CSMD1: variants seen among roughly 807,000 people sequenced by gnomAD.
CSMD1 encodes CUB and sushi domain-containing protein 1.
A neutral mutation model predicts 417.5 loss-of-function variants in CSMD1; 213 were observed. That is an observed-to-expected ratio of 0.51 (90% confidence interval 0.46 to 0.57). The LOEUF (loss-of-function observed/expected upper bound fraction) is 0.57, where lower values mean the gene tolerates loss of function less well. Ranked by LOEUF, CSMD1 falls within the 20% of genes least tolerant of loss-of-function variation. The pLI is 0.00. For missense variants in CSMD1, 6,923 were observed against 4,529.7 expected (o/e 1.53, Z -15.17); for synonymous variants, 2,862 against 1,736.8 (o/e 1.65, Z -16.11).
At chr8:4,690,415 T>C (rs577457976) in intron 1 of CSMD1, among the ~76,000 whole-genome samples, 1 of 152,220 alleles carries the variant, frequency 6.6e-6, no homozygotes, top group Non-Finnish European at 1.5e-5. Context: ...TTCAGAATAT[T>C]CAACAGCCAA....
At position 3,497,904 on chromosome 8, in the gene CSMD1, T is replaced by C. The variant is rs1379534204; in HGVS notation, c.1345-4178A>G. Among the ~76,000 whole-genome samples the C allele has an allele frequency of 4.6e-5, 7 of 152,248 alleles. No homozygotes were observed. In the East Asian group the frequency reaches 1.3e-3, roughly 29 times the overall value. On this transcript the variant is annotated intron_variant, in intron 10 of 69. Coordinates refer to ENST00000635120, the MANE Select transcript of CSMD1 (RefSeq NM_033225.6). Reference sequence around the variant, plus strand: ...GCTCTACCAGTGAATATTACTCTTTTGTGTGTCTTCACAATGGTGGTTATC... The same window carrying C: ...GCTCTACCAGTGAATATTACTCTTTCGTGTGTCTTCACAATGGTGGTTATC...
chr8:3,821,810 A>G (rs1182581837), intron 5 of CSMD1, among the ~76,000 whole-genome samples: 1 of 152,086 alleles, frequency 6.6e-6, no homozygotes, highest in African/African-American at 2.4e-5. Context: ...ACAAACAAAC[A>G]AACAAAAAGT....
chr8:4,075,797 A>G lies in CSMD1; in HGVS notation c.416-43698T>C, dbSNP rs1214498696. On this transcript the variant is annotated intron_variant, in intron 3 of 69. Transcript: ENST00000635120. ...CCAGGTTTCTCAAGAGGTTGTGATG[A>G]CAGAGCAGTCCTTCATGGTTGTCAG... Among the ~76,000 whole-genome samples the G allele has an allele frequency of 2.0e-5, 3 of 152,164 alleles. No homozygotes were observed. The East Asian group carries it at 5.8e-4, about 29-fold the overall frequency.
chr8:4,285,900 G>C (rs934400606), intron 3 of CSMD1, among the ~76,000 whole-genome samples: 2 of 152,128 alleles, frequency 1.3e-5, no homozygotes, highest in African/African-American at 4.8e-5. Context: ...TCCAACTGAA[G>C]TATTTTAAAT....
chr8:4,757,393 T>A (rs1006393688), intron 1 of CSMD1, among the ~76,000 whole-genome samples: 1 of 152,172 alleles, frequency 6.6e-6, no homozygotes, highest in African/African-American at 2.4e-5. Context: ...ACACAAAAAC[T>A]CGTTCATCTA....
At chr8:4,301,772 T>C (rs1052301938) in intron 3 of CSMD1, among the ~76,000 whole-genome samples, 1 of 152,202 alleles carries the variant, frequency 6.6e-6, no homozygotes, top group Non-Finnish European at 1.5e-5. Flanking sequence ...TAAACCTAGT[T>C]ATCTAATTGT....
intron 2 of CSMD1, among the ~76,000 whole-genome samples, chr8:4,472,560 G>A (rs1415808820): frequency 2.6e-5 from 4 of 152,002 alleles, no homozygotes; most frequent in Non-Finnish European, 5.9e-5. Flanking sequence ...CCAAAGAATA[G>A]CTATTAGAAA....
intron 49 of CSMD1, among the ~76,000 whole-genome samples, chr8:3,068,182 T>C (rs1321456240): frequency 2.0e-5 from 3 of 152,204 alleles, no homozygotes; most frequent in Non-Finnish European, 4.4e-5. Flanking sequence ...TTTCTCTCTG[T>C]GGTAATTTTC....
intron 7 of CSMD1, among the ~76,000 whole-genome samples, chr8:3,660,812 C>T (rs545861703): frequency 2.0e-5 from 3 of 152,228 alleles, no homozygotes; most frequent in South Asian, 4.2e-4. Flanking sequence ...TGAGCCACCC[C>T]GCCCGACTGA....
At chr8:3,021,518 C>T (rs1188837256) in intron 51 of CSMD1, among the ~76,000 whole-genome samples, 1 of 152,170 alleles carries the variant, frequency 6.6e-6, no homozygotes, top group Non-Finnish European at 1.5e-5. Flanking sequence ...TTACGTTTGC[C>T]TTTTTTTCAT....
At chr8:4,531,936 CACTCACTCCAGAAAAGAAATCCTGCACCT>C in intron 2 of CSMD1, among the ~76,000 whole-genome samples, 1 of 149,032 alleles carries the variant, frequency 6.7e-6, no homozygotes, top group Non-Finnish European at 1.5e-5. Flanking sequence ...AGCCCATTCA[CACTCACTCCAGAAAAGAAATCCTGCACCT>C]CCATTCAGTC....
At chr8:3,712,406 CAG>C (rs1801574200) in intron 6 of CSMD1, among the ~76,000 whole-genome samples, 1 of 113,512 alleles carries the variant, frequency 8.8e-6, no homozygotes, top group Non-Finnish European at 1.9e-5. Flanking sequence ...GAGAGACAGA[CAG>C]ACAGACAGAC....
chr8:4,173,793 G>A (rs1263951476), intron 3 of CSMD1, among the ~76,000 whole-genome samples: 2 of 152,062 alleles, frequency 1.3e-5, no homozygotes, highest in African/African-American at 2.4e-5. Context: ...TCAAAAGTTA[G>A]TGGTGAGGTG....
chr8:3,490,130 C>T (rs1399149612), intron 11 of CSMD1, among the ~76,000 whole-genome samples: 1 of 152,144 alleles, frequency 6.6e-6, no homozygotes, highest in African/African-American at 2.4e-5. Flanking sequence ...GGTTATTTTT[C>T]TGTGATCTGG....
chr8:4,193,334 A>AT (rs1372407324), intron 3 of CSMD1, among the ~76,000 whole-genome samples: 49 of 151,680 alleles, frequency 3.2e-4, no homozygotes, highest in African/African-American at 1.2e-3. Flanking sequence ...ACGTCCTCCA[A>AT]TAAAAAAAAT....
At chr8:3,763,250 G>A (rs935519475) in intron 5 of CSMD1, among the ~76,000 whole-genome samples, 1 of 152,148 alleles carries the variant, frequency 6.6e-6, no homozygotes, top group African/African-American at 2.4e-5. Flanking sequence ...CAGCTAGGGT[G>A]CTTATACTTC....
At chr8:3,155,385 T>TTTTTTTTTTTTTTTTTTTTTTTTTTA (rs1491170504) in intron 39 of CSMD1, among the ~76,000 whole-genome samples, 1 of 108,852 alleles carries the variant, frequency 9.2e-6, no homozygotes, top group Non-Finnish European at 1.8e-5. Flanking sequence ...TTTTTTTTTT[T>TTTTTTTTTTTTTTTTTTTTTTTTTTA]GAGACAGAAT....
chr8:4,832,893 C>A (rs995071020), intron 1 of CSMD1, among the ~76,000 whole-genome samples: 2 of 151,968 alleles, frequency 1.3e-5, no homozygotes, highest in Non-Finnish European at 2.9e-5. Context: ...CAGAAAGCTC[C>A]GAACTAGCTC....
chr8:4,273,081 G>C (rs1424173442), intron 3 of CSMD1, among the ~76,000 whole-genome samples: 1 of 152,004 alleles, frequency 6.6e-6, no homozygotes, highest in Non-Finnish European at 1.5e-5. Context: ...TTTTGAGGAA[G>C]AAGTATAAAA....
Sources: allele counts gnomAD v4.1 joint callset (sites outside exome capture counted in the v4.1 genomes callset), GRCh38; gene constraint gnomAD v4.1.1; transcripts MANE v1.5; gene names NCBI Gene and HGNC (gene_info 2026-07-23, HGNC 2026-07-21).